Variants in SNTG1 observed in about 807,000 individuals in gnomAD.
The protein encoded by SNTG1 is gamma-1-syntrophin.
SNTG1 carries 39 observed loss-of-function variants against 74.7 expected under a neutral mutation model. That is an observed-to-expected ratio of 0.52 (90% CI 0.40 to 0.68). The LOEUF is 0.68. SNTG1 is among the 30% of genes least tolerant of loss of function. SNTG1 has a pLI of 0.00. For synonymous variants in SNTG1, 254 were observed against 217.1 expected, an observed-to-expected ratio of 1.17 and a Z score of -1.49; for missense variants, 685 against 609.5, an observed-to-expected ratio of 1.12 and a Z score of -1.30.
intron 1 of SNTG1, among the ~76,000 whole-genome samples, chr8:50,008,511 G>C (rs1258362712): frequency 6.6e-6 from 1 of 152,116 alleles, no homozygotes; most frequent in Non-Finnish European, 1.5e-5. Context: ...CATTAGGAAT[G>C]TGATATGTGG....
chr8:50,542,368 C>T (rs1317888546), intron 11 of SNTG1, among the ~76,000 whole-genome samples: 1 of 151,534 alleles, frequency 6.6e-6, no homozygotes, highest in Non-Finnish European at 1.5e-5. Context: ...TGTTGGCTAG[C>T]CTGGTCTGGA....
intron 13 of SNTG1, among the ~76,000 whole-genome samples, chr8:50,596,768 T>C (rs1379926213): frequency 1.3e-5 from 2 of 152,106 alleles, no homozygotes; most frequent in Non-Finnish European, 1.5e-5. Context: ...TAATATTTTT[T>C]ATTAATGTTT....
At chr8:50,411,341 A>T (rs1352728660) in intron 4 of SNTG1, among the ~76,000 whole-genome samples, 5 of 151,640 alleles carry the variant, frequency 3.3e-5, no homozygotes, top group Admixed American at 3.3e-4. Context: ...CCCGCTACTC[A>T]GGAGGCTGAG....
At chr8:50,013,751 C>A (rs561248451) in intron 1 of SNTG1, among the ~76,000 whole-genome samples, 1 of 151,892 alleles carries the variant, frequency 6.6e-6, no homozygotes, top group Non-Finnish European at 1.5e-5. Context: ...TTGTATAAAA[C>A]TTCACATATA....
chr8:50,229,637 T>C (rs980978539), intron 2 of SNTG1, among the ~76,000 whole-genome samples: 1 of 139,668 alleles, frequency 7.2e-6, no homozygotes, highest in African/African-American at 2.4e-5. Context: ...TGTAAGAGTG[T>C]AGTTTGAGAC....
At chr8:49,926,765 C>G (rs1364264419) in intron 1 of SNTG1, among the ~76,000 whole-genome samples, 1 of 152,042 alleles carries the variant, frequency 6.6e-6, no homozygotes, top group East Asian at 1.9e-4. Flanking sequence ...TTAAAAATAT[C>G]TCCTCTGTGA....
chr8:50,658,784 C>T, intron 15 of SNTG1, 121 bp downstream of exon 15: 1 of 635,700 alleles, frequency 1.6e-6, no homozygotes, highest in Non-Finnish European at 2.7e-6. Flanking sequence ...ACGATAAAGA[C>T]AAATGAAAGA....
chr8:50,499,511 T>C (rs999560722), intron 8 of SNTG1, among the ~76,000 whole-genome samples: 4 of 151,580 alleles, frequency 2.6e-5, no homozygotes, highest in Non-Finnish European at 4.4e-5. Context: ...TTTCCAAATA[T>C]AGATACCTAA....
chr8:50,136,788 C>T (rs901913756), intron 1 of SNTG1, among the ~76,000 whole-genome samples: 2 of 152,074 alleles, frequency 1.3e-5, no homozygotes, highest in African/African-American at 2.4e-5. Flanking sequence ...ACCTACAGGC[C>T]TATTAGCCCC....
At chr8:49,911,323 A>G (rs1411160107), upstream of SNTG1, 1 of 151,806 alleles carries the variant, frequency 6.6e-6, no homozygotes, top group Non-Finnish European at 1.5e-5. Context: ...ACAAATCTAT[A>G]TATTTTTTCT....
At chr8:50,288,507 T>A (rs563239982) in intron 2 of SNTG1, among the ~76,000 whole-genome samples, 55 of 152,276 alleles carry the variant, frequency 3.6e-4, no homozygotes, top group African/African-American at 1.2e-3. Context: ...AAATAGCCTT[T>A]GCTTGTCATT....
At chr8:50,382,159 T>G (rs931749571) in intron 2 of SNTG1, 2 of 152,066 alleles carry the variant, frequency 1.3e-5, no homozygotes, top group African/African-American at 4.8e-5. Flanking sequence ...ATGTTAATCT[T>G]GGCAAAATCC....
At chr8:50,762,688 G>A (rs190017678) in intron 18 of SNTG1, 241 of 476,818 alleles carry the variant, frequency 5.1e-4, no homozygotes, top group Non-Finnish European at 8.8e-4. Flanking sequence ...TCTTCTACCC[G>A]AAGAGACCAT....
intron 13 of SNTG1, among the ~76,000 whole-genome samples, chr8:50,611,820 G>A (rs1164694579): frequency 6.6e-6 from 1 of 152,110 alleles, no homozygotes; most frequent in Admixed American, 6.6e-5. Flanking sequence ...AGTCTGGAGT[G>A]CAGTGGAATG....
At chr8:50,544,772 C>G (rs2094374191) in intron 11 of SNTG1, among the ~76,000 whole-genome samples, 2 of 152,020 alleles carry the variant, frequency 1.3e-5, no homozygotes, top group Admixed American at 6.6e-5. Context: ...TTATTGTTTA[C>G]TCATTCACTC....
chr8:50,424,851 C>T (rs1355683643), intron 4 of SNTG1, among the ~76,000 whole-genome samples: 1 of 152,014 alleles, frequency 6.6e-6, no homozygotes, highest in Non-Finnish European at 1.5e-5. Flanking sequence ...AAGAATTGCA[C>T]AAGATGGAAA....
chr8:49,940,974 G>A (rs62501371), intron 1 of SNTG1, among the ~76,000 whole-genome samples: 1 of 152,108 alleles, frequency 6.6e-6, no homozygotes, highest in Admixed American at 6.6e-5. Context: ...ATGGAGCAAC[G>A]TTTAAGGCAC....
chr8:50,387,495 AT>A (rs564246992), intron 2 of SNTG1, among the ~76,000 whole-genome samples: 16 of 150,868 alleles, frequency 1.1e-4, no homozygotes, highest in South Asian at 2.1e-4. Flanking sequence ...ATTATAAGTC[AT>A]TTTTTTTTGG....
chr8:50,555,908 CAAAAAACGAA>C (rs2094453258), intron 12 of SNTG1, among the ~76,000 whole-genome samples: 1 of 151,866 alleles, frequency 6.6e-6, no homozygotes, highest in African/African-American at 2.4e-5. Flanking sequence ...AAAGCAAAAA[CAAAAAACGAA>C]AAACAACCTG....
Sources: allele counts gnomAD v4.1 joint callset (sites outside exome capture counted in the v4.1 genomes callset), GRCh38; gene constraint gnomAD v4.1.1; transcripts MANE v1.5; gene names NCBI Gene and HGNC (gene_info 2026-07-23, HGNC 2026-07-21).